Variants in ABCA4 observed in about 807,000 individuals in gnomAD.
The protein encoded by ABCA4 is retinal-specific phospholipid-transporting ATPase ABCA4.
Under a neutral mutation model 263.7 loss-of-function variants are expected in ABCA4, and 196 were observed. The ratio of observed to expected loss-of-function variants is 0.74; its 90% CI spans 0.66 to 0.84. The LOEUF (loss-of-function observed/expected upper bound fraction) is 0.84. Ranked by LOEUF, ABCA4 falls within the 40% of genes least tolerant of loss-of-function variation. ABCA4 has a pLI of 0.00. For missense variants in ABCA4, 2,792 were observed against 2,855.1 expected (o/e 0.98, Z 0.50); for synonymous variants, 1,133 against 1,094.2 (o/e 1.04, Z -0.70).
At chr1:94,111,632 G>A (rs949325368) in intron 2 of ABCA4, 53 bp from the exon 3 acceptor site, 2 of 1,608,902 alleles carry the variant, frequency 1.2e-6, no homozygotes, top group Non-Finnish European at 1.7e-6. Context: ...GACCAAGCAG[G>A]ATGCAGACCT....
At chr1:94,002,641 CCTT>C (rs1031841115) in intron 44 of ABCA4, among the ~76,000 whole-genome samples, 3 of 152,166 alleles carry the variant, frequency 2.0e-5, no homozygotes, top group Non-Finnish European at 4.4e-5. Context: ...CATGCTTCTG[CCTT>C]CTATACTAGT....
Position 94,030,983 on chromosome 1 carries a change from C to A in ABCA4, c.4253+13G>T. On this transcript the variant is annotated intron_variant, in intron 28 of 49. Transcript: ENST00000370225. ...AACCCACAGAGGAGAATGGTGACCC[C>A]GAGTCCGCGCACCTGAAGAAGGTGT... 6.2e-7 allele frequency: 1 copy of A among 1,613,782 alleles called. No homozygotes were observed. The highest frequency in any genetic ancestry group is 8.5e-7 in the Non-Finnish European group (1 of 1,179,866).
At chr1:94,070,680 G>A (rs1661377866) in intron 11 of ABCA4, among the ~76,000 whole-genome samples, 1 of 152,214 alleles carries the variant, frequency 6.6e-6, no homozygotes, top group Non-Finnish European at 1.5e-5. Context: ...AGGGAATGGT[G>A]CACAGAAGAA....
chr1:94,016,036 C>T (rs1257170365), intron 36 of ABCA4, among the ~76,000 whole-genome samples, 182 bp from the exon 37 acceptor site: 3 of 152,130 alleles, frequency 2.0e-5, no homozygotes, highest in African/African-American at 7.2e-5. Flanking sequence ...TCCTACCCCA[C>T]CCCATGCCCT....
intron 6 of ABCA4, among the ~76,000 whole-genome samples, chr1:94,083,693 A>G (rs1050954751): frequency 2.0e-4 from 31 of 152,228 alleles, no homozygotes; most frequent in Admixed American, 2.0e-3. Flanking sequence ...ATTAAATACT[A>G]TCACTATTTC....
At chr1:94,041,679 A>C (rs1173536567) in intron 22 of ABCA4, among the ~76,000 whole-genome samples, 1 of 152,232 alleles carries the variant, frequency 6.6e-6, no homozygotes, top group African/African-American at 2.4e-5. Flanking sequence ...TTAGGGGCTC[A>C]TGTATTATGG....
At chr1:94,045,909 TCTC>T in intron 19 of ABCA4, 1 of 456,184 alleles carries the variant, frequency 2.2e-6, no homozygotes, top group Non-Finnish European at 4.4e-6. Context: ...CGGGCCGTGT[TCTC>T]CTCTCAGCAG....
chr1:94,093,587 G>A lies in ABCA4; in HGVS notation c.768+5207C>T, dbSNP rs368896489. 8.5e-5 allele frequency among the ~76,000 whole-genome samples: 13 copies of A among 152,190 alleles called. No individual in the cohort carries two copies. The East Asian group carries it at 9.6e-4, about 11-fold the overall frequency. On this transcript the variant is annotated intron_variant, in intron 6 of 49. Coordinates refer to ENST00000370225, the MANE Select transcript of ABCA4 (RefSeq NM_000350.3). ...ATCCTCAATGGCAGCCTTCCCAGGGGCCTGCTCTTGTCTTAAGTGACTTCA... is the reference window on the plus strand; with the variant it reads ...ATCCTCAATGGCAGCCTTCCCAGGGACCTGCTCTTGTCTTAAGTGACTTCA...
At chr1:94,006,686 G>A (rs6541409) in intron 43 of ABCA4, among the ~76,000 whole-genome samples, 1,753 of 152,268 alleles carry the variant, frequency 0.012, 38 homozygotes, top group African/African-American at 0.04. Context: ...GGAGGCCAAA[G>A]AATCAAATTC....
chr1:94,099,420 C>CT (rs1182649322), intron 5 of ABCA4, among the ~76,000 whole-genome samples: 4 of 152,186 alleles, frequency 2.6e-5, no homozygotes, highest in Admixed American at 1.3e-4. Context: ...ACCTCCAGAA[C>CT]TGTAAGATAA....
At chr1:94,054,138 C>T (rs933988276) in intron 16 of ABCA4, among the ~76,000 whole-genome samples, 1 of 152,210 alleles carries the variant, frequency 6.6e-6, no homozygotes, top group Non-Finnish European at 1.5e-5. Context: ...AAATACACGA[C>T]CGTGCAAACA....
Position 94,083,402 on chromosome 1 carries a change from G to C in ABCA4, c.808C>G (p.Leu270Val), listed in dbSNP as rs770829495. ...LLDSRSQGIN[L>V]RSWGGILSDM... The stretch of plus-strand genomic sequence containing the variant: ...GATAATATTCCTCCCCAAGATCTCA[G>C]ATTGATACCTTGAGAACGGCTGTCT... Residue 270 changes from leucine to valine, a missense_variant, in exon 7 of 50, where the codon CTG (leucine) becomes GTG (valine). Coordinates refer to ENST00000370225, the MANE Select transcript of ABCA4 (RefSeq NM_000350.3). 1.4e-5 allele frequency: 23 copies of C among 1,613,698 alleles called. No homozygotes were observed. The South Asian group carries it at 2.4e-4, about 17-fold the overall frequency.
At chr1:94,068,254 A>T (rs192736883) in intron 11 of ABCA4, among the ~76,000 whole-genome samples, 1 of 152,080 alleles carries the variant, frequency 6.6e-6, no homozygotes, top group Non-Finnish European at 1.5e-5. Flanking sequence ...AAGTCAGACA[A>T]CTCTGCCCAC....
intron 14 of ABCA4, chr1:94,059,700 A>C (rs1446330644): frequency 6.6e-6 from 1 of 152,428 alleles, no homozygotes; most frequent in Non-Finnish European, 1.5e-5. Context: ...CAATCAGTCC[A>C]TCTCAGGAGC....
chr1:94,054,698 G>C (rs1218603460), intron 16 of ABCA4, among the ~76,000 whole-genome samples: 1 of 152,136 alleles, frequency 6.6e-6, no homozygotes, highest in African/African-American at 2.4e-5. Context: ...AGAGTTGGAG[G>C]CCGGATAATG....
chr1:94,037,994 G>A (rs1056615287), intron 24 of ABCA4, among the ~76,000 whole-genome samples: 5 of 152,152 alleles, frequency 3.3e-5, no homozygotes, highest in African/African-American at 9.7e-5. Context: ...CCTGGAACCG[G>A]TGACCAAGCT....
chr1:94,116,818 C>A (rs1219523938), intron 1 of ABCA4, among the ~76,000 whole-genome samples: 2 of 152,134 alleles, frequency 1.3e-5, no homozygotes, highest in African/African-American at 2.4e-5. Context: ...CCTACCCTGC[C>A]CTTTACACAT....
At chr1:93,998,392 G>GAT (rs1659072680) in intron 47 of ABCA4, among the ~76,000 whole-genome samples, 1 of 152,032 alleles carries the variant, frequency 6.6e-6, no homozygotes, top group Admixed American at 6.6e-5. Flanking sequence ...GAGGCGGGAG[G>GAT]ATCACTTGAG....
chr1:94,071,771 A>G (rs1661405223), intron 11 of ABCA4, among the ~76,000 whole-genome samples: 1 of 152,142 alleles, frequency 6.6e-6, no homozygotes, highest in South Asian at 2.1e-4. Context: ...TTCCTTCCTC[A>G]GGCCAGTTAT....
Sources: allele counts gnomAD v4.1 joint callset (sites outside exome capture counted in the v4.1 genomes callset), GRCh38; gene constraint gnomAD v4.1.1; transcripts MANE v1.5; gene names NCBI Gene and HGNC (gene_info 2026-07-23, HGNC 2026-07-21).